Variants in SHROOM2 observed in about 807,000 individuals in gnomAD.
SHROOM2 encodes the protein protein Shroom2.
A neutral mutation model predicts 75.9 loss-of-function variants in SHROOM2; 33 were observed. The ratio of observed to expected loss-of-function variants is 0.43; its 90% CI spans 0.33 to 0.58. SHROOM2 has a LOEUF of 0.58. Among genes scored for constraint, SHROOM2 ranks in the 20% least tolerant of loss-of-function variants. The probability of loss-of-function intolerance (pLI) is 0.04; values close to 1 mark genes in which losing one functional copy is unlikely to be tolerated. For synonymous variants in SHROOM2, 655 were observed against 663.6 expected (o/e 0.99, Z 0.20); for missense variants, 1,434 against 1,461.2 (o/e 0.98, Z 0.30).
In SHROOM2 at chrX:9,839,231, A is replaced by G. The variant is rs752081209; in HGVS notation, c.166-34421A>G. 4.5e-5 allele frequency among the ~76,000 whole-genome samples: 5 copies of G among 111,618 alleles called. No individual in the cohort carries two copies. In the South Asian group the frequency reaches 1.9e-3, roughly 43 times the overall value. ...TTGTATGCATTATGTGGGCAAACCC[A>G]AGTGGGTATTGTTGGGTTTTCATAG... On this transcript the variant is annotated intron_variant, in intron 1 of 9. Transcript: ENST00000380913.
At chrX:9,803,979 C>T (rs1160863213) in intron 1 of SHROOM2, among the ~76,000 whole-genome samples, 1 of 111,492 alleles carries the variant, frequency 9.0e-6, no homozygotes, top group Admixed American at 9.6e-5. Context: ...GACATTTTAA[C>T]GGTCCTAATC....
At chrX:9,938,708 C>T (rs1437909046) in intron 7 of SHROOM2, among the ~76,000 whole-genome samples, 1 of 112,438 alleles carries the variant, frequency 8.9e-6, no homozygotes, top group Non-Finnish European at 1.9e-5. Context: ...GACATATGTT[C>T]TGCCAGCACA....
At chrX:9,829,303 C>T (rs1471040521) in intron 1 of SHROOM2, among the ~76,000 whole-genome samples, 1 of 112,601 alleles carries the variant, frequency 8.9e-6, no homozygotes, top group African/African-American at 3.2e-5. Flanking sequence ...AGATTACAGG[C>T]ATGAGCCACC....
intron 1 of SHROOM2, among the ~76,000 whole-genome samples, chrX:9,829,526 G>A (rs900454557): frequency 1.8e-5 from 2 of 111,993 alleles, no homozygotes; most frequent in Non-Finnish European, 3.8e-5. Context: ...GATGGGGGCC[G>A]CTGTTGATCC....
chrX:9,815,701 A>G (rs1452942641), intron 1 of SHROOM2, among the ~76,000 whole-genome samples: 3 of 109,885 alleles, frequency 2.7e-5, no homozygotes, highest in Admixed American at 1.0e-4. Context: ...TCCGAGTCCC[A>G]AAACTGAAGA....
chrX:9,945,636 G>A (rs1365665680), intron 9 of SHROOM2, among the ~76,000 whole-genome samples: 3 of 111,616 alleles, frequency 2.7e-5, no homozygotes, highest in Admixed American at 1.9e-4. Context: ...AGACATGCCT[G>A]CCTGCTGACG....
intron 1 of SHROOM2, among the ~76,000 whole-genome samples, chrX:9,803,481 G>A (rs970188582): frequency 1.8e-5 from 2 of 111,298 alleles, no homozygotes; most frequent in Admixed American, 1.9e-4. Flanking sequence ...TGGGTGGAGA[G>A]GCAGGCCTCC....
At chrX:9,839,875 G>A (rs1362425243) in intron 1 of SHROOM2, among the ~76,000 whole-genome samples, 3 of 112,141 alleles carry the variant, frequency 2.7e-5, no homozygotes, top group Non-Finnish European at 5.6e-5. Flanking sequence ...AGAGAAGGGC[G>A]CTCCAGCCTG....
intron 1 of SHROOM2, among the ~76,000 whole-genome samples, chrX:9,851,943 C>T (rs767656522): frequency 8.9e-6 from 1 of 112,517 alleles, no homozygotes; most frequent in African/African-American, 3.2e-5. Flanking sequence ...CCCCAGGTGA[C>T]TGAAGTCTGA....
intron 5 of SHROOM2, among the ~76,000 whole-genome samples, chrX:9,918,475 C>T (rs2084511189): frequency 1.8e-5 from 2 of 111,184 alleles, no homozygotes; most frequent in African/African-American, 6.6e-5. Context: ...GAAGCAAGCT[C>T]CCTCGCATAT....
At chrX:9,864,082 G>A (rs768066728) in intron 1 of SHROOM2, among the ~76,000 whole-genome samples, 1 of 110,766 alleles carries the variant, frequency 9.0e-6, no homozygotes, top group South Asian at 3.9e-4. Context: ...TCTGTCTCCG[G>A]GCGAAACTTC....
intron 5 of SHROOM2, among the ~76,000 whole-genome samples, chrX:9,924,226 G>A (rs1166258877): frequency 8.9e-6 from 1 of 112,274 alleles, no homozygotes; most frequent in Non-Finnish European, 1.9e-5. Flanking sequence ...GTCCTTTGTC[G>A]TCACTAGCTG....
At chrX:9,791,449 T>C (rs1387665495) in intron 1 of SHROOM2, among the ~76,000 whole-genome samples, 1 of 112,288 alleles carries the variant, frequency 8.9e-6, no homozygotes, top group Non-Finnish European at 1.9e-5. Context: ...GTGGAACTTT[T>C]CTTCTTGCAC....
At chrX:9,810,263 C>T (rs2083785069) in intron 1 of SHROOM2, among the ~76,000 whole-genome samples, 1 of 110,357 alleles carries the variant, frequency 9.1e-6, no homozygotes, top group South Asian at 3.9e-4. Context: ...AACCTTCATT[C>T]CTGAAGGGTC....
chrX:9,915,712 C>T (rs764271603), intron 5 of SHROOM2, among the ~76,000 whole-genome samples: 78 of 112,399 alleles, frequency 6.9e-4, no homozygotes, highest in African/African-American at 2.3e-3. Flanking sequence ...CATATGTGTA[C>T]TACACACATT....
At chrX:9,918,145 A>G (rs980895839) in intron 5 of SHROOM2, among the ~76,000 whole-genome samples, 3 of 112,514 alleles carry the variant, frequency 2.7e-5, no homozygotes, top group Non-Finnish European at 5.6e-5. Context: ...AGGTGACATC[A>G]GTGTGTTACC....
At chrX:9,805,249 TAAAAAATA>T (rs763171339) in intron 1 of SHROOM2, among the ~76,000 whole-genome samples, 8 of 110,674 alleles carry the variant, frequency 7.2e-5, no homozygotes, top group Non-Finnish European at 1.1e-4. Context: ...TCTCAAAAAA[TAAAAAATA>T]AAAAAATAAA....
rs113988652 is a variant in SHROOM2 at position 9,891,868 on chromosome X, G to GGT, written c.449+784_449+785dup. Among the ~76,000 whole-genome samples the GGT allele has an allele frequency of 7.0e-3, 721 of 103,736 alleles. 5 individuals carry two copies. The highest frequency in any genetic ancestry group is 0.019 in the East Asian group (62 of 3,182). 90.1% of individuals were successfully genotyped at this position (103,736 alleles called of 115,157 possible). ...TGTGTGAGTATCAGTGAGCATGTTT[G>GGT]GTGTGTGTGTGTGTGTGTGTGTGTG... On this transcript the variant is annotated intron_variant, in intron 3 of 9. Transcript: ENST00000380913.
chrX:9,890,419 T>G (rs1426093964), intron 2 of SHROOM2, among the ~76,000 whole-genome samples: 1 of 113,427 alleles, frequency 8.8e-6, no homozygotes, highest in Non-Finnish European at 1.9e-5. Flanking sequence ...GAGCCTGTGA[T>G]TCCCACTCTG....
Sources: allele counts gnomAD v4.1 joint callset (sites outside exome capture counted in the v4.1 genomes callset), GRCh38; gene constraint gnomAD v4.1.1; transcripts MANE v1.5; gene names NCBI Gene and HGNC (gene_info 2026-07-23, HGNC 2026-07-21).